Variants in CHAF1B observed in about 807,000 individuals in gnomAD.
CHAF1B encodes the protein CAF-1 subunit B.
In CHAF1B, 10 loss-of-function variants were observed where a neutral mutation model predicts 60.7. The observed-to-expected ratio is 0.16, with a 90% CI of 0.10 to 0.28. The LOEUF is 0.28. Among genes scored for constraint, CHAF1B ranks in the 10% least tolerant of loss-of-function variants. CHAF1B has a pLI of 1.00. For synonymous variants in CHAF1B, 261 were observed against 266.1 expected, an observed-to-expected ratio of 0.98 and a Z score of 0.19; for missense variants, 558 against 708.4, an observed-to-expected ratio of 0.79 and a Z score of 2.41.
chr21:36,387,063 C>T (rs1297056397), intron 2 of CHAF1B, among the ~76,000 whole-genome samples: 3 of 152,006 alleles, frequency 2.0e-5, no homozygotes, highest in Non-Finnish European at 4.4e-5. Context: ...ACTGGACGTT[C>T]ATTGTTTTGG....
intron 4 of CHAF1B, among the ~76,000 whole-genome samples, chr21:36,391,907 A>ATTTTTTTTTTTTTTTTT (rs55920360): frequency 8.9e-5 from 6 of 67,040 alleles, no homozygotes; most frequent in African/African-American, 4.0e-4. Flanking sequence ...TGATTTTTAA[A>ATTTTTTTTTTTTTTTTT]TTTTTTTTTT....
intron 4 of CHAF1B, among the ~76,000 whole-genome samples, chr21:36,393,710 T>C (rs903051851): frequency 6.6e-6 from 1 of 152,104 alleles, no homozygotes; most frequent in Non-Finnish European, 1.5e-5. Flanking sequence ...CACCTCGGCC[T>C]CCCAAAGTGC....
intron 6 of CHAF1B, chr21:36,398,229 T>G (rs750410142): frequency 6.6e-6 from 1 of 152,024 alleles, no homozygotes; most frequent in African/African-American, 2.4e-5. Context: ...ATTTTTATAT[T>G]TTTTTGTAAA....
rs144475501 is a variant in CHAF1B, at chr21:36,397,403, T to TGTG, written c.482-12_482-11insGTG. ...TGCTGTTTTGGTGCGTGTGTGTGTG[T>TGTG]TTTTTTTGTAGGACAAAAGATATCA... On this transcript the variant is annotated splice_polypyrimidine_tract_variant and intron_variant, in intron 5 of 13. Coordinates refer to ENST00000314103, the MANE Select transcript of CHAF1B (RefSeq NM_005441.3). 7 of 1,411,194 alleles carry TGTG rather than the reference T, an allele frequency of 5.0e-6. No homozygotes were observed. The highest frequency in any genetic ancestry group is 5.8e-6 in the Non-Finnish European group (6 of 1,027,254). The allele number at this position is 1,411,194 out of a possible 1,614,324, so 87.4% of individuals were successfully genotyped here.
chr21:36,408,621 G>C (rs905979124), intron 8 of CHAF1B, 140 bp from the exon 9 acceptor site: 6 of 621,962 alleles, frequency 9.6e-6, no homozygotes, highest in Non-Finnish European at 1.8e-5. Context: ...TTTGTGCTCT[G>C]TCACAACATT....
intron 6 of CHAF1B, 92 bp from the exon 7 acceptor site, chr21:36,399,429 G>A (rs1034239032): frequency 9.8e-7 from 1 of 1,021,784 alleles, no homozygotes. Flanking sequence ...GAAAACTGTT[G>A]CGGTGGTAAT....
chr21:36,411,345 C>G, intron 10 of CHAF1B, 118 bp from the exon 11 acceptor site: 1 of 1,216,524 alleles, frequency 8.2e-7, no homozygotes. Flanking sequence ...AACTCCTGAG[C>G]TCAAGTGATC....
chr21:36,394,473 G>A lies in CHAF1B; in HGVS notation c.378-74G>A, dbSNP rs1206231936. The A allele has an allele frequency of 2.8e-6, 3 of 1,052,738 alleles. No individual in the cohort carries two copies. In the African/African-American group the frequency reaches 4.8e-5, roughly 17 times the overall value. The allele number at this position is 1,052,738 out of a possible 1,614,324, so 65.2% of individuals were successfully genotyped here. ...AGTCTGTCTACCTTGGCCTCCCAAA[G>A]TGCTGGGATTACAGGGGTAAGCTGC... On this transcript the variant is annotated intron_variant, in intron 4 of 13. Transcript: ENST00000314103.
At chr21:36,407,981 G>GA (rs376520302) in intron 8 of CHAF1B, among the ~76,000 whole-genome samples, 10 of 139,792 alleles carry the variant, frequency 7.2e-5, no homozygotes, top group Non-Finnish European at 6.3e-5. Flanking sequence ...CCATCTCAAA[G>GA]AAAAAAAAAA....
At chr21:36,403,944 A>C (rs1425480858) in intron 8 of CHAF1B, among the ~76,000 whole-genome samples, 2 of 152,196 alleles carry the variant, frequency 1.3e-5, no homozygotes, top group African/African-American at 2.4e-5. Context: ...TCACACATGC[A>C]GCTGTGTGGG....
intron 8 of CHAF1B, among the ~76,000 whole-genome samples, chr21:36,404,712 G>T (rs1357803094): frequency 2.2e-5 from 3 of 137,722 alleles, no homozygotes; most frequent in African/African-American, 8.2e-5. Context: ...GGGATTATAG[G>T]TGTGAGCCAT....
chr21:36,387,219 G>GTTTTTTTT lies in CHAF1B; in HGVS notation c.127-375_127-374insTTTTTTTT, dbSNP rs1471540790. Among the ~76,000 whole-genome samples, 85 of 141,344 alleles carry GTTTTTTTT rather than the reference G, an allele frequency of 6.0e-4. 2 individuals are homozygous for GTTTTTTTT. Among genetic ancestry groups the GTTTTTTTT allele is most frequent in the Admixed American group, 9.9e-4 (14 of 14,108 alleles). The allele number at this position is 141,344 out of a possible 152,430, so 92.7% of individuals were successfully genotyped here. A position where few individuals can be genotyped will look rare whatever the true frequency, so the allele number is the denominator to read the frequency against. The stretch of plus-strand genomic sequence containing the variant: ...AGTTTTCTTTCTGAAAATAAGCATA[G>GTTTTTTTT]TTTTGTTTTTTTTTTTTTTTTGAGA... On this transcript the variant is annotated intron_variant, in intron 2 of 13. Transcript: ENST00000314103.
At chr21:36,402,653 T>C (rs1387066496) in intron 7 of CHAF1B, 105 bp from the exon 8 acceptor site, 33 of 828,566 alleles carry the variant, frequency 4.0e-5, no homozygotes, top group Non-Finnish European at 5.7e-5. Context: ...CATATAGCAG[T>C]TGGGAAGCGT....
At chr21:36,390,962 C>A (rs531875530) in intron 3 of CHAF1B, among the ~76,000 whole-genome samples, 1 of 152,206 alleles carries the variant, frequency 6.6e-6, no homozygotes, top group African/African-American at 2.4e-5. Context: ...TGCCTATTAT[C>A]CCCATTTACA....
intron 3 of CHAF1B, 90 bp downstream of exon 3, chr21:36,387,820 C>A (rs1413602638): frequency 5.3e-6 from 6 of 1,124,698 alleles, no homozygotes; most frequent in Non-Finnish European, 7.5e-6. Context: ...GCTGGATATG[C>A]TTTTTTTTTT....
intron 12 of CHAF1B, among the ~76,000 whole-genome samples, chr21:36,414,557 T>G (rs2086302962): frequency 6.6e-6 from 1 of 152,256 alleles, no homozygotes; most frequent in Non-Finnish European, 1.5e-5. Context: ...TTCTTGAAGA[T>G]GTAATCTTTT....
At chr21:36,396,571 T>C (rs2086141274) in intron 5 of CHAF1B, among the ~76,000 whole-genome samples, 1 of 151,516 alleles carries the variant, frequency 6.6e-6, no homozygotes, top group East Asian at 2.0e-4. Flanking sequence ...GCTAAGTCTC[T>C]TGAGCCTGGG....
intron 7 of CHAF1B, among the ~76,000 whole-genome samples, chr21:36,401,792 G>A (rs1288300426): frequency 6.6e-6 from 1 of 151,556 alleles, no homozygotes; most frequent in Non-Finnish European, 1.5e-5. Context: ...CCAGGCTGGA[G>A]TGCAGTGGCA....
In CHAF1B at chr21:36,416,303, C is replaced by A. The variant is rs149139435; in HGVS notation, c.1617C>A (p.Pro539=). ...SETPGDAQGS[P]PELKRPRLDE... ...CGCCTGGAGACGCTCAGGGCAGTCC[C>A]CCAGAGCTAAAGCGGCCCAGACTCG... Residue 539 remains proline, a synonymous_variant, in exon 14 of 14, where the codon CCC becomes CCA. Coordinates refer to ENST00000314103, the MANE Select transcript of CHAF1B (RefSeq NM_005441.3). 28 of 1,613,932 alleles carry A rather than the reference C, an allele frequency of 1.7e-5. No homozygotes were observed. Among genetic ancestry groups the A allele is most frequent in the South Asian group, 1.4e-4 (13 of 91,084 alleles).
Sources: allele counts gnomAD v4.1 joint callset (sites outside exome capture counted in the v4.1 genomes callset), GRCh38; gene constraint gnomAD v4.1.1; transcripts MANE v1.5; gene names NCBI Gene and HGNC (gene_info 2026-07-23, HGNC 2026-07-21).